The following PPARGC1A variants were observed in gnomAD, a reference collection of about 807,000 sequenced individuals.
The protein encoded by PPARGC1A is PPARG coactivator 1 alpha, also known as peroxisome proliferator-activated receptor gamma coactivator 1-alpha.
A neutral mutation model predicts 88.7 loss-of-function variants in PPARGC1A; 25 were observed. The ratio of observed to expected loss-of-function variants is 0.28; its 90% CI spans 0.21 to 0.39. The LOEUF (loss-of-function observed/expected upper bound fraction) is 0.39, where lower values mean the gene tolerates loss of function less well. Ranked by LOEUF, PPARGC1A falls within the 10% of genes least tolerant of loss-of-function variation. The pLI is 1.00. For missense variants in PPARGC1A, 880 were observed against 968.7 expected, an observed-to-expected ratio of 0.91 and a Z score of 1.22; for synonymous variants, 363 against 355.6, an observed-to-expected ratio of 1.02 and a Z score of -0.24.
At chr4:24,296,467 T>A in the PPARGC1A span, among the ~76,000 whole-genome samples, 4 of 152,126 alleles carry the variant, frequency 2.6e-5, no homozygotes, top group Admixed American at 6.5e-5. Flanking sequence ...GACAAAGAGT[T>A]AAGTCCTGTT....
chr4:24,087,210 T>A, the PPARGC1A span, among the ~76,000 whole-genome samples: 1 of 152,212 alleles, frequency 6.6e-6, no homozygotes, highest in South Asian at 2.1e-4. Context: ...GCGCTGGAAC[T>A]TGGGCCAATC....
chr4:23,795,946 G>C (rs191978999), intron 12 of PPARGC1A, 21 bp from the exon 13 acceptor site: 6 of 1,557,148 alleles, frequency 3.9e-6, no homozygotes, highest in Admixed American at 1.7e-5. Context: ...ACACAAGCCA[G>C]TTTAGATACA....
chr4:23,923,734 G>A, the PPARGC1A span, among the ~76,000 whole-genome samples: 467 of 152,288 alleles, frequency 3.1e-3, 2 homozygotes, highest in African/African-American at 0.011. Context: ...TCCTCAGATG[G>A]AAAAGGAAGA....
At chr4:23,973,163 G>T in the PPARGC1A span, among the ~76,000 whole-genome samples, 10 of 151,968 alleles carry the variant, frequency 6.6e-5, no homozygotes, top group African/African-American at 2.4e-4. Flanking sequence ...GCCAATGTTT[G>T]CAGGAAGGGC....
At chr4:24,194,570 A>G in the PPARGC1A span, among the ~76,000 whole-genome samples, 21 of 152,008 alleles carry the variant, frequency 1.4e-4, no homozygotes, top group African/African-American at 5.1e-4. Flanking sequence ...AATAAAATGT[A>G]TGTCAAAAGA....
chr4:24,205,670 C>A, the PPARGC1A span, among the ~76,000 whole-genome samples: 1 of 152,174 alleles, frequency 6.6e-6, no homozygotes, highest in Non-Finnish European at 1.5e-5. Context: ...ATCCTTCCAA[C>A]CTGAACAGGA....
intron 7 of PPARGC1A, among the ~76,000 whole-genome samples, chr4:23,818,788 A>C (rs1722435966): frequency 6.7e-6 from 1 of 149,334 alleles, no homozygotes; most frequent in African/African-American, 2.5e-5. Flanking sequence ...ACTCTGATAA[A>C]TGGTGAGTCC....
Position 23,879,537 on chromosome 4 carries a change from C to T in PPARGC1A, c.234+5215G>A, listed in dbSNP as rs74441127. Among the ~76,000 whole-genome samples, 675 of 152,238 alleles carry T rather than the reference C, an allele frequency of 4.4e-3. 1 individual carries two copies. The highest frequency in any genetic ancestry group is 0.014 in the African/African-American group (563 of 41,540). On this transcript the variant is annotated intron_variant, in intron 2 of 12. Transcript: ENST00000264867. ...AATATCTTTGAGTTAGCATTCCTTACCACCTCTCTCTCTATCCGAACTCAG... is the reference window on the plus strand; with the variant it reads ...AATATCTTTGAGTTAGCATTCCTTATCACCTCTCTCTCTATCCGAACTCAG...
At chr4:24,117,000 A>C in the PPARGC1A span, among the ~76,000 whole-genome samples, 2 of 150,802 alleles carry the variant, frequency 1.3e-5, no homozygotes, top group African/African-American at 4.8e-5. Flanking sequence ...CAACAACCAC[A>C]ACAACAACAA....
the PPARGC1A span, among the ~76,000 whole-genome samples, chr4:24,272,690 A>T: frequency 5.3e-5 from 8 of 152,354 alleles, no homozygotes; most frequent in South Asian, 1.0e-3. Context: ...ACGTCATCAT[A>T]AAGCGTCTTT....
the PPARGC1A span, among the ~76,000 whole-genome samples, chr4:24,397,781 A>G: frequency 6.6e-6 from 1 of 152,264 alleles, no homozygotes; most frequent in Non-Finnish European, 1.5e-5. Flanking sequence ...TGCAGACAAC[A>G]TAAGTATTAA....
At chr4:24,033,433 G>A in the PPARGC1A span, among the ~76,000 whole-genome samples, 855 of 108,680 alleles carry the variant, frequency 7.9e-3, 35 homozygotes, top group East Asian at 0.11. Flanking sequence ...ACACACACAC[G>A]CATCCACGTA....
the PPARGC1A span, among the ~76,000 whole-genome samples, chr4:24,378,493 A>T: frequency 6.6e-6 from 1 of 152,126 alleles, no homozygotes; most frequent in Non-Finnish European, 1.5e-5. Context: ...AAAAAAAAAC[A>T]TCATTCCTAA....
the PPARGC1A span, among the ~76,000 whole-genome samples, chr4:24,412,391 AG>A: frequency 6.6e-6 from 1 of 151,904 alleles, no homozygotes. Context: ...TTTAATGGTT[AG>A]GGGGAAAAAA....
the PPARGC1A span, among the ~76,000 whole-genome samples, chr4:23,968,466 A>G: frequency 2.0e-5 from 3 of 152,182 alleles, no homozygotes; most frequent in Non-Finnish European, 1.5e-5. Context: ...ATCATGCTGG[A>G]GTCCCTTCCA....
intron 5 of PPARGC1A, 124 bp downstream of exon 5, chr4:23,828,276 A>G: frequency 9.8e-7 from 1 of 1,021,222 alleles, no homozygotes; most frequent in South Asian, 1.5e-5. Context: ...TAAGTGCTGA[A>G]TTCTCTTTCC....
chr4:24,365,178 T>C, the PPARGC1A span, among the ~76,000 whole-genome samples: 1 of 148,854 alleles, frequency 6.7e-6, no homozygotes, highest in Admixed American at 6.7e-5. Flanking sequence ...GAAAAATTAA[T>C]GGATTGATTT....
chr4:23,935,167 T>G, the PPARGC1A span, among the ~76,000 whole-genome samples: 6 of 152,170 alleles, frequency 3.9e-5, no homozygotes, highest in African/African-American at 1.4e-4. Flanking sequence ...AATGCTCGCA[T>G]GCCTGGGAGG....
intron 10 of PPARGC1A, 31 bp from the exon 11 acceptor site, chr4:23,802,376 A>T: frequency 6.2e-7 from 1 of 1,613,440 alleles, no homozygotes; most frequent in Non-Finnish European, 8.5e-7. Flanking sequence ...AGAGTTCTGG[A>T]GTGGGAAAAA....
Sources: allele counts gnomAD v4.1 joint callset (sites outside exome capture counted in the v4.1 genomes callset), GRCh38; gene constraint gnomAD v4.1.1; transcripts MANE v1.5; gene names NCBI Gene and HGNC (gene_info 2026-07-23, HGNC 2026-07-21).